The following FMR1 variants were observed in gnomAD, a reference collection of about 807,000 sequenced individuals.
FMR1 encodes FMRP translational regulator 1.
FMR1 carries 13 observed loss-of-function variants against 50.6 expected under a neutral mutation model. That is an observed-to-expected ratio of 0.26 (90% CI 0.17 to 0.41). The LOEUF is 0.41. FMR1 is among the 10% of genes least tolerant of loss of function. The pLI is 1.00. For missense variants in FMR1, 316 were observed against 491.3 expected (o/e 0.64, Z 3.37); for synonymous variants, 138 against 164.1 (o/e 0.84, Z 1.22).
intron 16 of FMR1, 41 bp from the exon 17 acceptor site, chrX:147,948,642 A>C (rs782570671): frequency 8.3e-7 from 1 of 1,209,644 alleles, no homozygotes; most frequent in Non-Finnish European, 1.1e-6. Context: ...AGATTACAGT[A>C]GGATATGGTC....
intron 2 of FMR1, among the ~76,000 whole-genome samples, chrX:147,923,498 CTT>C (rs10567806): frequency 0.086 from 9,550 of 111,430 alleles, 352 homozygotes; most frequent in African/African-American, 0.13. Flanking sequence ...ATTTGCTACT[CTT>C]TTAGTTTTTC....
intron 9 of FMR1, 149 bp from the exon 10 acceptor site, chrX:147,936,355 C>T (rs2124536531): frequency 2.2e-6 from 1 of 446,707 alleles, no homozygotes; most frequent in Admixed American, 3.9e-5. Context: ...AAAAGAGTCT[C>T]TACTTTGGTT....
At chrX:147,933,710 C>G (rs2043687978) in intron 9 of FMR1, 2 of 693,605 alleles carry the variant, frequency 2.9e-6, no homozygotes, top group East Asian at 2.2e-4. Context: ...ATCTTTTAAA[C>G]TTGAGATCAT....
intron 5 of FMR1, 73 bp downstream of exon 5, chrX:147,928,880 T>A: frequency 1.9e-6 from 2 of 1,046,842 alleles, no homozygotes; most frequent in Non-Finnish European, 2.6e-6. Flanking sequence ...TTCTAGTAGT[T>A]TAAAATTTTT....
chrX:147,931,982 T>C (rs2043623873), intron 7 of FMR1, among the ~76,000 whole-genome samples: 1 of 111,935 alleles, frequency 8.9e-6, no homozygotes, highest in Non-Finnish European at 1.9e-5. Context: ...TACTGATACC[T>C]TTTAATAAAA....
chrX:147,938,030 T>G (rs1293287464), intron 11 of FMR1, 69 bp from the exon 12 acceptor site: 1 of 848,863 alleles, frequency 1.2e-6, no homozygotes, highest in Non-Finnish European at 1.8e-6. Context: ...GTGAAAGTCC[T>G]GCGTTCAGGC....
At position 147,932,727 on chromosome X, in the gene FMR1, G is replaced by T; in HGVS notation, c.844G>T (p.Ala282Ser). The change falls in exon 9 of 17, where the codon GCT (alanine) becomes TCT (serine). Residue 282 changes from alanine (A) to serine (S), a missense_variant. Physicochemically the swap from Ala to Ser is moderately conservative, Grantham distance 99 (BLOSUM62 1). Transcript: ENST00000370475. Reference sequence around the variant, plus strand: ...AAAAGCTAGAAGCTTTCTCGAATTTGCTGAAGATGTAATACAAGTTCCAAG... The same window carrying T: ...AAAAGCTAGAAGCTTTCTCGAATTTTCTGAAGATGTAATACAAGTTCCAAG... The part of the protein sequence containing the change: ...VKKARSFLEF[A>S]EDVIQVPRNL... The T allele has an allele frequency of 8.3e-7, 1 of 1,206,772 alleles. No homozygotes were observed. The highest frequency in any genetic ancestry group is 1.1e-6 in the Non-Finnish European group (1 of 891,935).
At chrX:147,929,912 A>C (rs1557178329) in intron 5 of FMR1, 36 bp from the exon 6 acceptor site, 1 of 910,261 alleles carries the variant, frequency 1.1e-6, no homozygotes, top group Non-Finnish European at 1.6e-6. Context: ...AGTAGTTGGT[A>C]ATTATTCATC....
In FMR1 at chrX:147,928,410, T is replaced by G; in HGVS notation, c.270+17T>G. The G allele has an allele frequency of 8.7e-7, 1 of 1,153,706 alleles. No homozygotes were observed. The highest frequency in any genetic ancestry group is 1.2e-6 in the Non-Finnish European group (1 of 843,463). Reference sequence around the variant, plus strand: ...AAGGGTGAGGTAGGAAAATGCCTATTTAAATTTTTTTCTTATATTGTTTCC... The same window carrying G: ...AAGGGTGAGGTAGGAAAATGCCTATGTAAATTTTTTTCTTATATTGTTTCC... On this transcript the variant is annotated intron_variant, in intron 4 of 16. Coordinates refer to ENST00000370475, the MANE Select transcript of FMR1 (RefSeq NM_002024.6).
At chrX:147,944,841 A>G in intron 14 of FMR1, 28 bp from the exon 15 acceptor site, 1 of 1,195,922 alleles carries the variant, frequency 8.4e-7, no homozygotes, top group Non-Finnish European at 1.1e-6. Flanking sequence ...AAGTCAGACA[A>G]TGGTATATAA....
chrX:147,917,669 A>G (rs1021508576), intron 1 of FMR1, among the ~76,000 whole-genome samples: 11 of 112,325 alleles, frequency 9.8e-5, no homozygotes, highest in Non-Finnish European at 2.1e-4. Flanking sequence ...AAAAACATTT[A>G]TGATTCTGTG....
chrX:147,950,455 GT>G lies in FMR1; in HGVS notation c.*1615del. Reference sequence around the variant, plus strand: ...GCACACATCATCTGTAAGCTGTTTGGTTTTAAAATACTGTAGATAATTAACC... The same window carrying G: ...GCACACATCATCTGTAAGCTGTTTGGTTTAAAATACTGTAGATAATTAACC... On this transcript the variant is annotated 3_prime_UTR_variant, in exon 17 of 17. Transcript: ENST00000370475. The G allele has an allele frequency of 3.0e-6, 1 of 329,549 alleles. No individual in the cohort carries two copies. Among genetic ancestry groups the G allele is most frequent in the Non-Finnish European group, 5.9e-6 (1 of 169,851 alleles). The allele number at this position is 329,549 out of a possible 1,213,427, so 27.2% of individuals were successfully genotyped here. A position where few individuals can be genotyped will look rare whatever the true frequency, so the allele number is the denominator to read the frequency against.
intron 2 of FMR1, 92 bp downstream of exon 2, chrX:147,922,077 T>A (rs2043196946): frequency 1.8e-6 from 1 of 564,746 alleles, no homozygotes; most frequent in Non-Finnish European, 3.0e-6. Flanking sequence ...AAGTCCAGTT[T>A]GAGTGCTTTT....
At chrX:147,933,614 T>C (rs2043684186) in intron 9 of FMR1, 4 of 864,043 alleles carry the variant, frequency 4.6e-6, no homozygotes, top group Non-Finnish European at 5.7e-6. Context: ...GTAGAACATA[T>C]CAAAACCAGG....
At chrX:147,948,530 C>G (rs2044251328) in intron 16 of FMR1, 153 bp from the exon 17 acceptor site, 1 of 1,114,641 alleles carries the variant, frequency 9.0e-7, no homozygotes, top group African/African-American at 1.9e-5. Flanking sequence ...AAGAATCCTA[C>G]CTTACATTAA....
At chrX:147,935,508 A>G (rs782079800) in intron 9 of FMR1, among the ~76,000 whole-genome samples, 1 of 112,473 alleles carries the variant, frequency 8.9e-6, no homozygotes, top group Non-Finnish European at 1.9e-5. Flanking sequence ...GGGCAAGCAC[A>G]TGGTGGATGT....
chrX:147,916,290 T>C (rs782084110), intron 1 of FMR1, among the ~76,000 whole-genome samples: 1 of 112,538 alleles, frequency 8.9e-6, no homozygotes, highest in African/African-American at 3.2e-5. Context: ...TGTCTTTTGG[T>C]CAGAGTGAAG....
intron 12 of FMR1, among the ~76,000 whole-genome samples, chrX:147,939,194 C>T (rs1295793656): frequency 9.0e-6 from 1 of 111,135 alleles, no homozygotes; most frequent in East Asian, 2.8e-4. Flanking sequence ...AATGAATTGC[C>T]AGTTATTAAT....
At chrX:147,937,975 T>A in intron 11 of FMR1, 124 bp from the exon 12 acceptor site, 1 of 583,018 alleles carries the variant, frequency 1.7e-6, no homozygotes, top group South Asian at 2.3e-5. Flanking sequence ...ACTAATTTTC[T>A]CTGTTTGAAC....
Sources: allele counts gnomAD v4.1 joint callset (sites outside exome capture counted in the v4.1 genomes callset), GRCh38; gene constraint gnomAD v4.1.1; transcripts MANE v1.5; gene names NCBI Gene and HGNC (gene_info 2026-07-23, HGNC 2026-07-21).